PIK3C2B: variants seen among roughly 807,000 people sequenced by gnomAD.
PIK3C2B encodes the protein phosphatidylinositol 4-phosphate 3-kinase C2 domain-containing subunit beta.
A neutral mutation model predicts 184.3 loss-of-function variants in PIK3C2B; 83 were observed. The observed-to-expected ratio is 0.45, with a 90% confidence interval of 0.38 to 0.54. The LOEUF is 0.54. Ranked by LOEUF, PIK3C2B falls within the 20% of genes least tolerant of loss-of-function variation. The pLI, the probability that PIK3C2B is intolerant of heterozygous loss-of-function variation, is 0.00. For missense variants in PIK3C2B, 1,736 were observed against 2,113.5 expected (o/e 0.82, Z 3.50); for synonymous variants, 779 against 837.6 (o/e 0.93, Z 1.21).
chr1:204,454,506 A>T, intron 12 of PIK3C2B, 163 bp downstream of exon 12: 1 of 543,772 alleles, frequency 1.8e-6, no homozygotes, highest in East Asian at 3.3e-5. Flanking sequence ...AAAAAGAGTC[A>T]GGGAAGTGGA....
chr1:204,466,827 C>T (rs866246422), intron 2 of PIK3C2B: 2 of 531,986 alleles, frequency 3.8e-6, no homozygotes, highest in Non-Finnish European at 7.7e-6. Context: ...GGGGAGTCTG[C>T]CGGGCAGAGG....
In PIK3C2B at chr1:204,470,786, ATAC is replaced by A. The variant is rs142536747; in HGVS notation, c.-84-903_-84-901del. 8.2e-3 allele frequency among the ~76,000 whole-genome samples: 1,249 copies of A among 152,386 alleles called. 58 individuals carry two copies. In the East Asian group the frequency reaches 0.14, roughly 17 times the overall value. On this transcript the variant is annotated intron_variant, in intron 1 of 32. Coordinates refer to ENST00000684373, the MANE Select transcript of PIK3C2B (RefSeq NM_001377334.1). ...AAAAATGTGATGTCTATACAATTGA[ATAC>A]TACTTGGCAATAAAAAGGAATGAAT...
chr1:204,490,073 T>C (rs1244094430), intron 1 of PIK3C2B: 2 of 396,332 alleles, frequency 5.0e-6, no homozygotes, highest in African/African-American at 2.1e-5. Context: ...CCCACCTCTA[T>C]GGTGGAACAG....
chr1:204,461,355 G>C (rs765465940), intron 5 of PIK3C2B, among the ~76,000 whole-genome samples: 10 of 152,166 alleles, frequency 6.6e-5, no homozygotes, highest in Non-Finnish European at 1.2e-4. Flanking sequence ...AGCCCTCGGC[G>C]ATCCAACCTC....
intron 13 of PIK3C2B, 107 bp from the exon 14 acceptor site, chr1:204,449,403 C>T (rs911838688): frequency 2.5e-6 from 2 of 785,870 alleles, no homozygotes; most frequent in Non-Finnish European, 4.3e-6. Flanking sequence ...AGCCATCATC[C>T]AACTCCCCTC....
chr1:204,457,186 G>A (rs972153973), intron 9 of PIK3C2B, 116 bp from the exon 10 acceptor site: 11 of 799,302 alleles, frequency 1.4e-5, no homozygotes, highest in African/African-American at 3.5e-5. Context: ...TGAAATGTGA[G>A]TAGCTGAGAA....
intron 1 of PIK3C2B, among the ~76,000 whole-genome samples, chr1:204,482,102 G>A (rs1008928388): frequency 3.1e-5 from 3 of 97,288 alleles, no homozygotes; most frequent in African/African-American, 1.7e-4. Flanking sequence ...AATGAGCCAT[G>A]AAAAGACGGG....
At position 204,443,425 on chromosome 1, in the gene PIK3C2B, C is replaced by A. The variant is rs1653553670; in HGVS notation, c.3040G>T (p.Ala1014Ser). 6.2e-7 allele frequency: 1 copy of A among 1,613,948 alleles called. No individual in the cohort carries two copies. Among genetic ancestry groups the A allele is most frequent in the African/African-American group, 1.3e-5 (1 of 75,070 alleles). The change falls in exon 19 of 33, where the codon GCA (alanine) becomes TCA (serine). Residue 1014 changes from alanine (A) to serine (S), a missense_variant. Ala to Ser is a moderately conservative substitution (Grantham distance 99). Coordinates refer to ENST00000684373, the MANE Select transcript of PIK3C2B (RefSeq NM_001377334.1). ...AGCCTCACCCCACTAACCTGCCTTG[C>A]AGATGGGGCTGCCTCCCGGACCTGC... ...AQQVREAAPSARQGILRTGLE... is the reference protein window; with the variant it reads ...AQQVREAAPSSRQGILRTGLE...
At chr1:204,448,046 A>T (rs1265806294) in intron 14 of PIK3C2B, among the ~76,000 whole-genome samples, 1 of 152,230 alleles carries the variant, frequency 6.6e-6, no homozygotes, top group Non-Finnish European at 1.5e-5. Flanking sequence ...CTAAAGTATC[A>T]GAGCTGAGTG....
At chr1:204,441,612 G>C (rs1361723235) in intron 20 of PIK3C2B, 49 bp from the exon 21 acceptor site, 1 of 1,371,642 alleles carries the variant, frequency 7.3e-7, no homozygotes, top group Non-Finnish European at 1.0e-6. Context: ...CCCATGCCAG[G>C]AAAGGAAAAC....
intron 3 of PIK3C2B, 50 bp downstream of exon 3, chr1:204,465,169 C>CCCCAACCCCCAAAGCCCACCCAAAAA: frequency 1.3e-6 from 1 of 760,070 alleles, no homozygotes; most frequent in Non-Finnish European, 2.3e-6. Flanking sequence ...TGGCCCCCCT[C>CCCCAACCCCCAAAGCCCACCCAAAAA]CCCATCCCCC....
intron 23 of PIK3C2B, among the ~76,000 whole-genome samples, chr1:204,437,770 A>G (rs993866160): frequency 6.6e-6 from 1 of 152,226 alleles, no homozygotes; most frequent in Non-Finnish European, 1.5e-5. Flanking sequence ...ACTGATAGCA[A>G]ACACAAAAAG....
At chr1:204,477,234 G>A (rs1445357582) in intron 1 of PIK3C2B, among the ~76,000 whole-genome samples, 1 of 152,110 alleles carries the variant, frequency 6.6e-6, no homozygotes, top group African/African-American at 2.4e-5. Flanking sequence ...CCTCTCCTCT[G>A]GAAGTTCTGA....
intron 1 of PIK3C2B, among the ~76,000 whole-genome samples, chr1:204,483,639 G>T (rs1318025403): frequency 1.3e-5 from 2 of 152,184 alleles, no homozygotes; most frequent in Non-Finnish European, 2.9e-5. Flanking sequence ...TTTAGCGAGG[G>T]GGAGGGGTAT....
At chr1:204,460,021 C>G in intron 7 of PIK3C2B, 80 bp from the exon 8 acceptor site, 3 of 1,049,290 alleles carry the variant, frequency 2.9e-6, no homozygotes, top group Non-Finnish European at 4.4e-6. Flanking sequence ...TTCTCCCTCC[C>G]TCTCCTCAGC....
intron 21 of PIK3C2B, among the ~76,000 whole-genome samples, chr1:204,440,595 G>GA (rs1452596518): frequency 2.2e-5 from 2 of 90,164 alleles, no homozygotes; most frequent in East Asian, 3.9e-4. Flanking sequence ...TGACCATCAG[G>GA]CCTTTTTTTT....
chr1:204,425,171 T>G (rs1356160885), intron 32 of PIK3C2B, 131 bp from the exon 33 acceptor site: 7 of 670,620 alleles, frequency 1.0e-5, no homozygotes, highest in Admixed American at 2.8e-5. Context: ...CCCTGCAGAG[T>G]CCCAGGTAAT....
rs1213070793 is a variant in PIK3C2B at position 204,424,473 on chromosome 1, C to T, written c.*379G>A. 2 of 367,196 alleles carry T rather than the reference C, an allele frequency of 5.4e-6. No homozygotes were observed. Among genetic ancestry groups the T allele is most frequent in the Non-Finnish European group, 1.1e-5 (2 of 187,032 alleles). 22.7% of individuals were successfully genotyped at this position (367,196 alleles called of 1,614,324 possible). A position where few individuals can be genotyped will look rare whatever the true frequency, so the allele number is the denominator to read the frequency against. On this transcript the variant is annotated 3_prime_UTR_variant, in exon 33 of 33. Coordinates refer to ENST00000684373, the MANE Select transcript of PIK3C2B (RefSeq NM_001377334.1). ...CTTCCTGTCCCAGTTAGGACAACAT[C>T]ACTATTTCATTTTTTAAAAATAAAA...
chr1:204,479,612 T>TA (rs1287922399), intron 1 of PIK3C2B, among the ~76,000 whole-genome samples: 1 of 152,202 alleles, frequency 6.6e-6, no homozygotes, highest in Non-Finnish European at 1.5e-5. Flanking sequence ...TGGGTGGAGT[T>TA]AGAGACGAAG....
Sources: gnomAD v4.1 joint callset for allele counts (sites outside exome capture counted in the v4.1 genomes callset) on GRCh38, gnomAD v4.1.1 for gene constraint, MANE v1.5 for transcripts, NCBI Gene and HGNC (gene_info 2026-07-23, HGNC 2026-07-21) for gene names.